KDM4C: variants seen among roughly 807,000 people sequenced by gnomAD.
KDM4C encodes the protein lysine-specific demethylase 4C.
KDM4C carries 81 observed loss-of-function variants against 129.3 expected under a neutral mutation model. That is an observed-to-expected ratio of 0.63 (90% CI 0.52 to 0.75). The LOEUF (loss-of-function observed/expected upper bound fraction) is 0.75, where lower values mean the gene tolerates loss of function less well. Among genes scored for constraint, KDM4C ranks in the 30% least tolerant of loss-of-function variants. KDM4C has a pLI of 0.00. For synonymous variants in KDM4C, 573 were observed against 456.1 expected (o/e 1.26, Z -3.26); for missense variants, 1,457 against 1,304.0 (o/e 1.12, Z -1.81).
chr9:6,724,577 C>G (rs147787978), intron 1 of KDM4C, among the ~76,000 whole-genome samples: 3,166 of 152,232 alleles, frequency 0.021, 93 homozygotes, highest in African/African-American at 0.073. Flanking sequence ...GTCGCCCAGG[C>G]TGGAGTGCAG....
chr9:6,822,562 T>C (rs935590805), intron 4 of KDM4C, among the ~76,000 whole-genome samples: 3 of 152,202 alleles, frequency 2.0e-5, no homozygotes, highest in Admixed American at 1.3e-4. Flanking sequence ...TTGGAAACAG[T>C]ACATACACAT....
intron 17 of KDM4C, among the ~76,000 whole-genome samples, chr9:7,084,759 AT>A (rs1834920595): frequency 6.6e-6 from 1 of 152,184 alleles, no homozygotes; most frequent in African/African-American, 2.4e-5. Flanking sequence ...CATGTAGTTG[AT>A]TATTTTCATT....
intron 15 of KDM4C, among the ~76,000 whole-genome samples, chr9:7,021,537 A>T (rs1824862745): frequency 6.6e-6 from 1 of 152,024 alleles, no homozygotes; most frequent in Admixed American, 6.6e-5. Flanking sequence ...ATAGTGTTTG[A>T]GTTCCTTTTA....
At chr9:6,769,310 T>C (rs1588142625) in intron 1 of KDM4C, among the ~76,000 whole-genome samples, 1 of 152,146 alleles carries the variant, frequency 6.6e-6, no homozygotes, top group East Asian at 1.9e-4. Context: ...TTGTTCCTTA[T>C]TTAGTGGGCT....
intron 5 of KDM4C, among the ~76,000 whole-genome samples, chr9:6,860,187 G>A (rs1430901157): frequency 6.6e-6 from 1 of 152,066 alleles, no homozygotes; most frequent in African/African-American, 2.4e-5. Context: ...TAATTGACAG[G>A]TGATGGGGAT....
At chr9:6,774,805 G>C (rs947667732) in intron 1 of KDM4C, among the ~76,000 whole-genome samples, 5 of 152,138 alleles carry the variant, frequency 3.3e-5, no homozygotes, top group African/African-American at 1.2e-4. Context: ...AATTCACCCA[G>C]ATATCACTGT....
chr9:7,148,494 C>G (rs567799423), intron 19 of KDM4C, among the ~76,000 whole-genome samples: 15 of 152,300 alleles, frequency 9.8e-5, no homozygotes, highest in Non-Finnish European at 1.9e-4. Flanking sequence ...TACGGCAGCT[C>G]TGGCTCAGGG....
intron 8 of KDM4C, among the ~76,000 whole-genome samples, chr9:6,906,548 C>T (rs1478991380): frequency 6.6e-6 from 1 of 152,194 alleles, no homozygotes; most frequent in Admixed American, 6.5e-5. Context: ...TACAGGTGCT[C>T]CCACCTCAGC....
chr9:6,744,156 C>T (rs1817798786), intron 1 of KDM4C, among the ~76,000 whole-genome samples: 1 of 152,030 alleles, frequency 6.6e-6, no homozygotes, highest in African/African-American at 2.4e-5. Flanking sequence ...GCCTCAATAG[C>T]AACAGCGTTT....
chr9:7,165,612 A>C (rs904041427), intron 20 of KDM4C, among the ~76,000 whole-genome samples: 1 of 152,256 alleles, frequency 6.6e-6, no homozygotes, highest in Admixed American at 6.5e-5. Flanking sequence ...TGCCAGAAAG[A>C]TAAGTGACTA....
chr9:6,971,945 G>A (rs909446323), intron 8 of KDM4C, among the ~76,000 whole-genome samples: 1 of 152,050 alleles, frequency 6.6e-6, no homozygotes. Context: ...AATATTTATG[G>A]AGCATATACT....
At chr9:6,792,842 A>G (rs756036881) in intron 1 of KDM4C, 130 bp from the exon 2 acceptor site, 60 of 899,210 alleles carry the variant, frequency 6.7e-5, no homozygotes, top group Non-Finnish European at 1.0e-4. Context: ...TCTCCCTGAG[A>G]CTGGTAGAAG....
At chr9:6,831,469 A>C (rs1834814292) in intron 4 of KDM4C, among the ~76,000 whole-genome samples, 1 of 151,964 alleles carries the variant, frequency 6.6e-6, no homozygotes, top group African/African-American at 2.4e-5. Flanking sequence ...TAGCCTTCCC[A>C]GTAACTGGGA....
rs1347929658 is a variant in KDM4C at position 6,738,306 on chromosome 9, G to A, written c.49+17309G>A. Among the ~76,000 whole-genome samples the A allele has an allele frequency of 3.9e-5, 6 of 151,988 alleles. No individual in the cohort carries two copies. In the South Asian group the frequency reaches 6.2e-4, roughly 16 times the overall value. ...GGCCTGACCAACATGGAGAAACCCC[G>A]TCTCTACTAAAAATACAAAATTAGA... is the stretch of plus-strand genomic sequence containing the variant. On this transcript the variant is annotated intron_variant, in intron 1 of 17. Coordinates refer to the KDM4C transcript ENST00000536108.
intron 8 of KDM4C, among the ~76,000 whole-genome samples, chr9:6,965,986 A>G (rs1830894732): frequency 6.6e-6 from 1 of 152,262 alleles, no homozygotes; most frequent in Non-Finnish European, 1.5e-5. Context: ...CCATGTTAAC[A>G]GAATAAAGGA....
At chr9:6,920,336 C>G (rs550901435) in intron 8 of KDM4C, among the ~76,000 whole-genome samples, 2 of 151,976 alleles carry the variant, frequency 1.3e-5, no homozygotes, top group Non-Finnish European at 2.9e-5. Flanking sequence ...GTGATGTTAT[C>G]TGTAGAAGCA....
In KDM4C at chr9:6,919,250, T is replaced by C. The variant is rs201800420; in HGVS notation, c.921+26018T>C. Among the ~76,000 whole-genome samples the C allele has an allele frequency of 1.7e-4, 9 of 53,970 alleles. No individual in the cohort carries two copies. In the East Asian group the frequency reaches 2.4e-3, roughly 14 times the overall value. 35.4% of individuals were successfully genotyped at this position (53,970 alleles called of 152,430 possible). On this transcript the variant is annotated intron_variant, in intron 8 of 21. Transcript: ENST00000381309. ...TCTTTCTTTCTTTCTTTCTTTCTTTTCTTTCTTTCTTTCTTTCTTTCTGTC... is the reference window on the plus strand; with the variant it reads ...TCTTTCTTTCTTTCTTTCTTTCTTTCCTTTCTTTCTTTCTTTCTTTCTGTC...
At chr9:6,866,172 A>G (rs1427193364) in intron 5 of KDM4C, among the ~76,000 whole-genome samples, 3 of 148,460 alleles carry the variant, frequency 2.0e-5, no homozygotes, top group African/African-American at 7.4e-5. Context: ...GGCATGAGCC[A>G]CTGCACCCAT....
intron 8 of KDM4C, among the ~76,000 whole-genome samples, chr9:6,956,165 A>G (rs13298236): frequency 0.039 from 5,950 of 152,274 alleles, 161 homozygotes; most frequent in Middle Eastern, 0.11. Context: ...AATAGATTTA[A>G]TAAGATCTAC....
Sources: allele counts gnomAD v4.1 joint callset (sites outside exome capture counted in the v4.1 genomes callset), GRCh38; gene constraint gnomAD v4.1.1; transcripts MANE v1.5; gene names NCBI Gene and HGNC (gene_info 2026-07-23, HGNC 2026-07-21).